SGMS1: variants seen among roughly 807,000 people sequenced by gnomAD.
SGMS1 encodes the protein sphingomyelin synthase 1.
SGMS1 carries 13 observed loss-of-function variants against 46.2 expected under a neutral mutation model. That is an observed-to-expected ratio of 0.28 (90% CI 0.18 to 0.45). The LOEUF is 0.45. Among genes scored for constraint, SGMS1 ranks in the 20% least tolerant of loss-of-function variants. SGMS1 has a pLI of 1.00. For synonymous variants in SGMS1, 203 were observed against 187.8 expected, an observed-to-expected ratio of 1.08 and a Z score of -0.66; for missense variants, 324 against 519.9, an observed-to-expected ratio of 0.62 and a Z score of 3.66.
intron 2 of SGMS1, among the ~76,000 whole-genome samples, chr10:50,566,168 G>A (rs1838286421): frequency 6.6e-6 from 1 of 152,214 alleles, no homozygotes; most frequent in Non-Finnish European, 1.5e-5. Flanking sequence ...ATAAGTGCAG[G>A]AGATGACAAA....
chr10:50,419,728 G>C (rs184253727), intron 6 of SGMS1, among the ~76,000 whole-genome samples: 7 of 152,152 alleles, frequency 4.6e-5, no homozygotes, highest in Admixed American at 4.6e-4. Context: ...TGCCAAAAGA[G>C]AATTTCTAGA....
At chr10:50,437,784 G>C (rs1190149645) in intron 5 of SGMS1, among the ~76,000 whole-genome samples, 1 of 152,186 alleles carries the variant, frequency 6.6e-6, no homozygotes, top group Non-Finnish European at 1.5e-5. Flanking sequence ...TGCTTAAAGA[G>C]AATAGTAATC....
intron 8 of SGMS1, among the ~76,000 whole-genome samples, chr10:50,320,081 T>A (rs568671127): frequency 3.5e-4 from 54 of 152,324 alleles, no homozygotes; most frequent in African/African-American, 1.3e-3. Flanking sequence ...TTTTTTAGAA[T>A]TCCCCAGTGA....
At chr10:50,611,712 C>G (rs886338184) in intron 1 of SGMS1, among the ~76,000 whole-genome samples, 2 of 152,162 alleles carry the variant, frequency 1.3e-5, no homozygotes, top group Non-Finnish European at 2.9e-5. Flanking sequence ...GGCCTTTTCT[C>G]CAGCATCCCA....
At chr10:50,369,702 T>C (rs1848405205) in intron 6 of SGMS1, among the ~76,000 whole-genome samples, 1 of 152,196 alleles carries the variant, frequency 6.6e-6, no homozygotes, top group South Asian at 2.1e-4. Flanking sequence ...AGGGCTGCAC[T>C]GAAAAGAACC....
chr10:50,564,271 T>G lies in SGMS1; in HGVS notation c.-589+25882A>C, dbSNP rs558854738. On this transcript the variant is annotated intron_variant, in intron 2 of 10. Coordinates refer to ENST00000361781, the MANE Select transcript of SGMS1 (RefSeq NM_147156.4). ...CCTTTGAGGGAAAGGGGGTCATGAC[T>G]GGGAATGGGCAGAGCGGGCTTCTAG... Among the ~76,000 whole-genome samples the G allele has an allele frequency of 2.0e-5, 3 of 152,310 alleles. No homozygotes were observed. The South Asian group carries it at 6.2e-4, about 32-fold the overall frequency.
At chr10:50,348,216 G>A (rs948006892) in intron 6 of SGMS1, among the ~76,000 whole-genome samples, 10 of 152,124 alleles carry the variant, frequency 6.6e-5, no homozygotes, top group Non-Finnish European at 1.5e-4. Context: ...ATACTGAAAG[G>A]ACAAATGCTG....
intron 5 of SGMS1, among the ~76,000 whole-genome samples, chr10:50,454,334 C>G (rs921825460): frequency 1.3e-5 from 2 of 152,084 alleles, no homozygotes; most frequent in South Asian, 4.1e-4. Context: ...GAAAAACTAA[C>G]TAATCAGCTA....
At chr10:50,343,363 T>A in intron 7 of SGMS1, 129 bp downstream of exon 7, 2 of 1,120,636 alleles carry the variant, frequency 1.8e-6, no homozygotes, top group Non-Finnish European at 2.4e-6. Flanking sequence ...AGGGTATGTG[T>A]TTAAAAAAGA....
intron 7 of SGMS1, among the ~76,000 whole-genome samples, chr10:50,327,660 G>A (rs1228163212): frequency 6.6e-6 from 1 of 152,202 alleles, no homozygotes; most frequent in East Asian, 1.9e-4. Context: ...CTCAGTATCT[G>A]TGGTTAAACA....
chr10:50,371,377 C>T (rs1281303140), intron 6 of SGMS1, among the ~76,000 whole-genome samples: 1 of 152,180 alleles, frequency 6.6e-6, no homozygotes, highest in African/African-American at 2.4e-5. Flanking sequence ...ACACCCTATC[C>T]CATCCAAACC....
At chr10:50,479,356 A>C (rs1837456183) in intron 3 of SGMS1, among the ~76,000 whole-genome samples, 1 of 152,126 alleles carries the variant, frequency 6.6e-6, no homozygotes, top group Non-Finnish European at 1.5e-5. Context: ...CACTGCCCTA[A>C]TGTCCTAGAT....
rs115823907 is a variant in SGMS1, at chr10:50,586,651, G to A, written c.-589+3502C>T. Among the ~76,000 whole-genome samples the A allele has an allele frequency of 6.3e-3, 958 of 152,356 alleles. 6 individuals are homozygous for A. The highest frequency in any genetic ancestry group is 0.022 in the African/African-American group (912 of 41,574). ...AAAACATGTGCCAGTAGGGAACGACGTGAGAAGGGACATGGTGAGTCACAG... is the reference window on the plus strand; with the variant it reads ...AAAACATGTGCCAGTAGGGAACGACATGAGAAGGGACATGGTGAGTCACAG... On this transcript the variant is annotated intron_variant, in intron 2 of 10. Coordinates refer to ENST00000361781, the MANE Select transcript of SGMS1 (RefSeq NM_147156.4).
chr10:50,415,231 C>T (rs1396443781), intron 6 of SGMS1, among the ~76,000 whole-genome samples: 1 of 152,220 alleles, frequency 6.6e-6, no homozygotes, highest in Non-Finnish European at 1.5e-5. Context: ...GTTAATTGGA[C>T]ATGAATAATT....
chr10:50,453,612 C>T (rs1837139813), intron 5 of SGMS1, among the ~76,000 whole-genome samples: 1 of 150,790 alleles, frequency 6.6e-6, no homozygotes, highest in South Asian at 2.1e-4. Flanking sequence ...TGAAAAAGTC[C>T]AACATGTGTT....
chr10:50,417,249 G>T (rs558332891), intron 6 of SGMS1, among the ~76,000 whole-genome samples: 1 of 152,208 alleles, frequency 6.6e-6, no homozygotes, highest in Non-Finnish European at 1.5e-5. Context: ...TTCTTATGTA[G>T]AAAAGCGGGT....
intron 3 of SGMS1, among the ~76,000 whole-genome samples, chr10:50,477,599 T>G (rs899598344): frequency 6.6e-6 from 1 of 152,196 alleles, no homozygotes; most frequent in Non-Finnish European, 1.5e-5. Flanking sequence ...TTTGGCTATG[T>G]GTCCCCACCC....
At chr10:50,379,492 CAT>C (rs1174368270) in intron 6 of SGMS1, among the ~76,000 whole-genome samples, 4 of 151,752 alleles carry the variant, frequency 2.6e-5, no homozygotes, top group Middle Eastern at 3.4e-3. Context: ...CATCTAGAAA[CAT>C]ATACATACAG....
chr10:50,449,050 T>C (rs1313370276), intron 5 of SGMS1, among the ~76,000 whole-genome samples: 1 of 152,100 alleles, frequency 6.6e-6, no homozygotes, highest in Non-Finnish European at 1.5e-5. Flanking sequence ...TCTTTAAATC[T>C]CACATATAAA....
Sources: gnomAD v4.1 joint callset for allele counts (sites outside exome capture counted in the v4.1 genomes callset) on GRCh38, gnomAD v4.1.1 for gene constraint, MANE v1.5 for transcripts, NCBI Gene and HGNC (gene_info 2026-07-23, HGNC 2026-07-21) for gene names.